Variants in LRIF1 observed in about 807,000 individuals in gnomAD.
The protein encoded by LRIF1 is ligand dependent nuclear receptor interacting factor 1.
In LRIF1, 32 loss-of-function variants were observed where a neutral mutation model predicts 52.7. The observed-to-expected ratio is 0.61, with a 90% CI of 0.46 to 0.82. The LOEUF (loss-of-function observed/expected upper bound fraction) is 0.82. LRIF1 is among the 40% of genes least tolerant of loss of function. The pLI, the probability that LRIF1 is intolerant of heterozygous loss-of-function variation, is 0.00. For synonymous variants in LRIF1, 323 were observed against 317.4 expected (o/e 1.02, Z -0.19); for missense variants, 887 against 892.0 (o/e 0.99, Z 0.07).
the LRIF1 span, among the ~76,000 whole-genome samples, chr1:110,910,829 G>C: frequency 1.3e-5 from 2 of 152,080 alleles, no homozygotes; most frequent in African/African-American, 4.8e-5. Context: ...CAACATACCA[G>C]AATATCTGGG....
rs1403611602 is a variant in LRIF1, at chr1:110,956,764, G to C, written c.69-3949C>G. Reference sequence around the variant, plus strand: ...TCACATGAGGGAAGATGGTGAGCTAGATGGTGAACTAAGCGCCAAGTTCAG... The same window carrying C: ...TCACATGAGGGAAGATGGTGAGCTACATGGTGAACTAAGCGCCAAGTTCAG... On this transcript the variant is annotated intron_variant, in intron 1 of 3. Coordinates refer to ENST00000369763, the MANE Select transcript of LRIF1 (RefSeq NM_018372.4). Among the ~76,000 whole-genome samples the C allele has an allele frequency of 2.0e-5, 3 of 152,202 alleles. No individual in the cohort carries two copies. In the East Asian group the frequency reaches 5.8e-4, roughly 29 times the overall value.
At chr1:110,920,347 T>C in the LRIF1 span, among the ~76,000 whole-genome samples, 5 of 152,228 alleles carry the variant, frequency 3.3e-5, no homozygotes, top group Admixed American at 2.6e-4. Flanking sequence ...CAATAGAATA[T>C]TATTCAATGC....
the LRIF1 span, among the ~76,000 whole-genome samples, chr1:110,911,327 A>C: frequency 6.6e-6 from 1 of 152,274 alleles, no homozygotes; most frequent in Non-Finnish European, 1.5e-5. Flanking sequence ...AGATCAATTA[A>C]TGAGTTTCAA....
At chr1:110,927,853 A>C in the LRIF1 span, among the ~76,000 whole-genome samples, 1 of 152,164 alleles carries the variant, frequency 6.6e-6, no homozygotes, top group Non-Finnish European at 1.5e-5. Flanking sequence ...AATACATAAT[A>C]AGCAGCTGTT....
the LRIF1 span, among the ~76,000 whole-genome samples, chr1:110,887,618 G>A: frequency 6.6e-6 from 1 of 152,192 alleles, no homozygotes; most frequent in African/African-American, 2.4e-5. Context: ...TTACTCTTAA[G>A]ATTTGTTGGG....
chr1:110,891,407 G>A, the LRIF1 span: 2 of 1,612,224 alleles, frequency 1.2e-6, no homozygotes. Context: ...GAATATCACG[G>A]CATGGGCATG....
intron 3 of LRIF1, among the ~76,000 whole-genome samples, chr1:110,949,126 A>T (rs965407528): frequency 2.7e-5 from 4 of 149,004 alleles, no homozygotes; most frequent in Non-Finnish European, 4.5e-5. Context: ...TATATATATA[A>T]TTTTTTTTTT....
At chr1:110,946,134 T>C (rs1167770890), downstream of LRIF1, among the ~76,000 whole-genome samples, 1 of 152,222 alleles carries the variant, frequency 6.6e-6, no homozygotes, top group Non-Finnish European at 1.5e-5. Context: ...GGTATATCCA[T>C]GATGGAATAT....
intron 1 of LRIF1, among the ~76,000 whole-genome samples, chr1:110,962,493 C>T (rs1235379490): frequency 1.3e-5 from 2 of 152,092 alleles, no homozygotes; most frequent in East Asian, 1.9e-4. Context: ...GAGTTTTCTA[C>T]TTGCAATTAA....
the LRIF1 span, among the ~76,000 whole-genome samples, chr1:110,888,737 T>C: frequency 2.0e-5 from 3 of 152,204 alleles, no homozygotes; most frequent in African/African-American, 7.2e-5. Context: ...TATTGAAAAA[T>C]TACTGATATA....
the LRIF1 span, among the ~76,000 whole-genome samples, chr1:110,908,441 C>G: frequency 6.6e-6 from 1 of 152,158 alleles, no homozygotes; most frequent in Non-Finnish European, 1.5e-5. Flanking sequence ...TTCAGAATCT[C>G]AATGTCAAGG....
At chr1:110,909,384 C>T in the LRIF1 span, among the ~76,000 whole-genome samples, 8 of 152,068 alleles carry the variant, frequency 5.3e-5, no homozygotes, top group African/African-American at 1.9e-4. Context: ...TTAATATTAA[C>T]TTTGAATGTA....
intron 3 of LRIF1, 90 bp downstream of exon 3, chr1:110,949,761 A>C (rs2101105912): frequency 7.5e-7 from 1 of 1,331,898 alleles, no homozygotes; most frequent in East Asian, 2.3e-5. Context: ...ATTTATACTA[A>C]TGCACAAGGG....
the LRIF1 span, among the ~76,000 whole-genome samples, chr1:110,915,587 CAAAGT>C: frequency 6.6e-6 from 1 of 152,052 alleles, no homozygotes; most frequent in African/African-American, 2.4e-5. Context: ...AGCAAAAGCA[CAAAGT>C]AAAGGAAGAA....
chr1:110,886,230 C>T, the LRIF1 span, among the ~76,000 whole-genome samples: 1 of 152,084 alleles, frequency 6.6e-6, no homozygotes, highest in Non-Finnish European at 1.5e-5. Flanking sequence ...CTTATCCTTA[C>T]AATTGTTCCT....
chr1:110,894,930 T>C, the LRIF1 span: 2 of 1,557,678 alleles, frequency 1.3e-6, no homozygotes, highest in Non-Finnish European at 1.8e-6. Context: ...CTTTTTACCA[T>C]GTCTCCTCTG....
At chr1:110,961,357 T>C (rs1318418856) in intron 1 of LRIF1, among the ~76,000 whole-genome samples, 1 of 152,234 alleles carries the variant, frequency 6.6e-6, no homozygotes, top group East Asian at 1.9e-4. Flanking sequence ...ACTGTATTGA[T>C]AGTAAGTGGT....
At chr1:110,946,524 TAGAA>T (rs1658207492), downstream of LRIF1, among the ~76,000 whole-genome samples, 2 of 152,164 alleles carry the variant, frequency 1.3e-5, no homozygotes, top group South Asian at 2.1e-4. Flanking sequence ...CAGCTGTTAA[TAGAA>T]AGCAGCAAAA....
At chr1:110,899,572 C>CT in the LRIF1 span, 1 of 191,738 alleles carries the variant, frequency 5.2e-6, no homozygotes, top group Non-Finnish European at 1.1e-5. Flanking sequence ...AATGCCCAGT[C>CT]TTCTCCCCAA....
Sources: allele counts gnomAD v4.1 joint callset (sites outside exome capture counted in the v4.1 genomes callset), GRCh38; gene constraint gnomAD v4.1.1; transcripts MANE v1.5; gene names NCBI Gene and HGNC (gene_info 2026-07-23, HGNC 2026-07-21).